Variants in NEGR1 observed in about 807,000 individuals in gnomAD.
NEGR1 encodes IgLON family member 4.
In NEGR1, 10 loss-of-function variants were observed where a neutral mutation model predicts 40.9. The observed-to-expected ratio is 0.24, with a 90% CI of 0.15 to 0.42. NEGR1 has a LOEUF of 0.42. NEGR1 is among the 10% of genes least tolerant of loss of function. NEGR1 has a pLI of 1.00. For synonymous variants in NEGR1, 185 were observed against 166.8 expected, an observed-to-expected ratio of 1.11 and a Z score of -0.84; for missense variants, 352 against 438.9, an observed-to-expected ratio of 0.80 and a Z score of 1.77.
At chr1:72,184,736 T>G (rs1652552153) in intron 1 of NEGR1, among the ~76,000 whole-genome samples, 1 of 152,072 alleles carries the variant, frequency 6.6e-6, no homozygotes, top group African/African-American at 2.4e-5. Flanking sequence ...TAGTACTACC[T>G]ACTGAATCCA....
chr1:71,965,538 A>C (rs1646203139), intron 1 of NEGR1, among the ~76,000 whole-genome samples: 1 of 152,104 alleles, frequency 6.6e-6, no homozygotes, highest in Admixed American at 6.5e-5. Flanking sequence ...TTTTGCTTTG[A>C]ATGGAAGTTT....
At chr1:72,059,561 C>G (rs940616251) in intron 1 of NEGR1, among the ~76,000 whole-genome samples, 2 of 151,360 alleles carry the variant, frequency 1.3e-5, no homozygotes, top group African/African-American at 2.4e-5. Flanking sequence ...AACTAGCTAT[C>G]CAATATACAA....
chr1:71,587,193 C>T (rs1649335543), intron 6 of NEGR1, among the ~76,000 whole-genome samples: 1 of 152,088 alleles, frequency 6.6e-6, no homozygotes, highest in South Asian at 2.1e-4. Flanking sequence ...TGCTTACTGG[C>T]ATGTGGGAAC....
intron 6 of NEGR1, among the ~76,000 whole-genome samples, chr1:71,567,499 T>G (rs1383851173): frequency 6.6e-6 from 1 of 152,272 alleles, no homozygotes; most frequent in East Asian, 1.9e-4. Flanking sequence ...CTAGCAGTGG[T>G]TATTTATATG....
intron 1 of NEGR1, among the ~76,000 whole-genome samples, chr1:72,057,146 T>A (rs1470313988): frequency 2.0e-5 from 3 of 151,584 alleles, no homozygotes; most frequent in African/African-American, 7.2e-5. Flanking sequence ...TGGTTCACAA[T>A]GTTATTATTG....
intron 3 of NEGR1, among the ~76,000 whole-genome samples, chr1:71,746,778 A>G (rs865880564): frequency 0.017 from 2,625 of 151,976 alleles, 63 homozygotes; most frequent in African/African-American, 0.06. Flanking sequence ...ACACGCACAC[A>G]CACACACACA....
At chr1:71,594,437 A>G (rs547246909) in intron 5 of NEGR1, among the ~76,000 whole-genome samples, 2 of 152,322 alleles carry the variant, frequency 1.3e-5, no homozygotes, top group African/African-American at 4.8e-5. Context: ...TACTGTAGTT[A>G]AATGCAGATT....
chr1:72,148,660 C>T lies in NEGR1; in HGVS notation c.176+133659G>A, dbSNP rs547743965. Among the ~76,000 whole-genome samples, 5 of 152,258 alleles carry T rather than the reference C, an allele frequency of 3.3e-5. No individual in the cohort carries two copies. In the South Asian group the frequency reaches 1.0e-3, roughly 32 times the overall value. On this transcript the variant is annotated intron_variant, in intron 1 of 6. Coordinates refer to ENST00000357731, the MANE Select transcript of NEGR1 (RefSeq NM_173808.3). ...CAAATGCTTTGCTCCTTAGAAATTT[C>T]TTCCGCCAGATACCCTAAATCATCT...
intron 4 of NEGR1, among the ~76,000 whole-genome samples, chr1:71,680,440 G>A (rs983856668): frequency 6.6e-6 from 1 of 152,058 alleles, no homozygotes; most frequent in Non-Finnish European, 1.5e-5. Flanking sequence ...AATCTCTGCA[G>A]CACGTAGAAT....
At chr1:71,995,837 A>C (rs1319583635) in intron 1 of NEGR1, among the ~76,000 whole-genome samples, 3 of 152,220 alleles carry the variant, frequency 2.0e-5, no homozygotes, top group Non-Finnish European at 2.9e-5. Flanking sequence ...ACAATTTTCT[A>C]AATGAAATTA....
chr1:71,921,343 G>A (rs985140787), intron 2 of NEGR1, among the ~76,000 whole-genome samples: 5 of 152,058 alleles, frequency 3.3e-5, no homozygotes, highest in African/African-American at 1.2e-4. Context: ...AGCCAGGAAA[G>A]TAGAAACCAA....
chr1:71,590,351 T>G (rs1649458764), intron 6 of NEGR1, among the ~76,000 whole-genome samples: 1 of 152,112 alleles, frequency 6.6e-6, no homozygotes, highest in Admixed American at 6.6e-5. Context: ...TTCATGACCC[T>G]TGAGACTATA....
At chr1:71,577,796 G>A (rs1649011241) in intron 6 of NEGR1, among the ~76,000 whole-genome samples, 2 of 152,064 alleles carry the variant, frequency 1.3e-5, no homozygotes, top group Admixed American at 1.3e-4. Context: ...TTAAAAGCTA[G>A]GCCTATCTCA....
At chr1:71,745,523 A>C (rs1195358804) in intron 3 of NEGR1, among the ~76,000 whole-genome samples, 4 of 140,882 alleles carry the variant, frequency 2.8e-5, no homozygotes, top group African/African-American at 9.8e-5. Context: ...ACACATCTGT[A>C]ACCAATTTAA....
At chr1:72,252,912 C>G (rs548493294) in intron 1 of NEGR1, among the ~76,000 whole-genome samples, 1 of 152,048 alleles carries the variant, frequency 6.6e-6, no homozygotes. Context: ...AATTACATTG[C>G]GAAGGAAAAA....
At chr1:71,622,772 G>T (rs1489347067) in intron 4 of NEGR1, among the ~76,000 whole-genome samples, 2 of 151,734 alleles carry the variant, frequency 1.3e-5, no homozygotes, top group African/African-American at 4.8e-5. Context: ...GGATAGCATT[G>T]GTTGGATCTT....
intron 1 of NEGR1, among the ~76,000 whole-genome samples, chr1:72,275,851 A>G (rs375212416): frequency 6.6e-6 from 1 of 152,198 alleles, no homozygotes; most frequent in African/African-American, 2.4e-5. Context: ...AACTCTGGCT[A>G]CTTGAGAGCT....
intron 3 of NEGR1, among the ~76,000 whole-genome samples, chr1:71,770,360 T>A (rs1656274579): frequency 6.6e-6 from 1 of 152,214 alleles, no homozygotes; most frequent in Non-Finnish European, 1.5e-5. Flanking sequence ...ATTTTTTCTA[T>A]CCCTCACCCT....
intron 4 of NEGR1, among the ~76,000 whole-genome samples, chr1:71,644,901 A>T (rs1651482064): frequency 6.6e-6 from 1 of 151,896 alleles, no homozygotes; most frequent in African/African-American, 2.4e-5. Context: ...TTTATTATAA[A>T]TGAAGTATTC....
Sources: allele counts gnomAD v4.1 joint callset (sites outside exome capture counted in the v4.1 genomes callset), GRCh38; gene constraint gnomAD v4.1.1; transcripts MANE v1.5; gene names NCBI Gene and HGNC (gene_info 2026-07-23, HGNC 2026-07-21).